The following PUM3 variants were observed in gnomAD, a reference collection of about 807,000 sequenced individuals.
PUM3 encodes the protein pumilio homolog 3.
A neutral mutation model predicts 84.0 loss-of-function variants in PUM3; 91 were observed. That is an observed-to-expected ratio of 1.08 (90% confidence interval 0.91 to 1.29). PUM3 has a LOEUF of 1.29. PUM3 is among the 50% of genes most tolerant of loss of function. PUM3 has a pLI of 0.00. For synonymous variants in PUM3, 321 were observed against 266.7 expected (o/e 1.20, Z -1.98); for missense variants, 1,067 against 767.5 (o/e 1.39, Z -4.61).
intron 16 of PUM3, among the ~76,000 whole-genome samples, chr9:2,808,474 G>A (rs1308392627): frequency 2.6e-5 from 4 of 152,174 alleles, no homozygotes; most frequent in Admixed American, 6.5e-5. Context: ...TCCCAAGGTC[G>A]TGGTATTATC....
chr9:2,805,284 C>T (rs1263336851), intron 17 of PUM3, among the ~76,000 whole-genome samples: 4 of 152,134 alleles, frequency 2.6e-5, no homozygotes, highest in Non-Finnish European at 5.9e-5. Context: ...TGCCCGAGTA[C>T]TCTATCAGAA....
chr9:2,835,175 G>C (rs1052769758), intron 3 of PUM3, among the ~76,000 whole-genome samples: 3 of 152,216 alleles, frequency 2.0e-5, no homozygotes, highest in African/African-American at 4.8e-5. Context: ...CACTTTGGAA[G>C]GCTGAAGAAG....
At chr9:2,823,394 A>G (rs1815718208) in intron 12 of PUM3, among the ~76,000 whole-genome samples, 1 of 152,110 alleles carries the variant, frequency 6.6e-6, no homozygotes, top group Admixed American at 6.5e-5. Context: ...ACTACTATCA[A>G]GTTTCTGAAG....
intron 4 of PUM3, among the ~76,000 whole-genome samples, chr9:2,833,783 GA>G (rs1484171876): frequency 6.6e-6 from 1 of 152,166 alleles, no homozygotes; most frequent in Non-Finnish European, 1.5e-5. Context: ...AATCTCTCAG[GA>G]AGAATGTCAA....
At position 2,811,545 on chromosome 9, in the gene PUM3, T is replaced by C; in HGVS notation, c.1451A>G (p.Glu484Gly). ...GCTTAACAAAGCTGGAGAAATGGAT[T>C]CTAGGAGCTCCCGTCTGCGGACCTC... ...DTEVRRRELL[E>G]SISPALLSYL... Residue 484 changes from glutamate to glycine, a missense_variant, in exon 15 of 18, where the codon GAA becomes GGA. Coordinates refer to ENST00000397885, the MANE Select transcript of PUM3 (RefSeq NM_014878.5). 1.9e-6 allele frequency: 3 copies of C among 1,614,132 alleles called. No individual in the cohort carries two copies. Among genetic ancestry groups the C allele is most frequent in the Non-Finnish European group, 2.5e-6 (3 of 1,180,008 alleles).
At chr9:2,827,530 T>G (rs1475977820) in intron 9 of PUM3, among the ~76,000 whole-genome samples, 2 of 152,208 alleles carry the variant, frequency 1.3e-5, no homozygotes, top group Non-Finnish European at 2.9e-5. Flanking sequence ...TTATTTCTGT[T>G]AACACCCTTC....
intron 13 of PUM3, among the ~76,000 whole-genome samples, chr9:2,815,543 G>A (rs1213151103): frequency 2.0e-5 from 3 of 152,164 alleles, no homozygotes; most frequent in Non-Finnish European, 4.4e-5. Flanking sequence ...TAAACTCTTT[G>A]CATATTAATT....
chr9:2,827,818 T>A (rs965893372), intron 9 of PUM3, among the ~76,000 whole-genome samples: 2 of 152,216 alleles, frequency 1.3e-5, no homozygotes, highest in African/African-American at 4.8e-5. Context: ...AAAATTCCTA[T>A]GAAGTCTGTA....
chr9:2,843,682 C>G (rs1411581293), intron 1 of PUM3, among the ~76,000 whole-genome samples: 5 of 150,948 alleles, frequency 3.3e-5, no homozygotes, highest in Admixed American at 6.6e-5. Context: ...GGGTTCACGC[C>G]ATTCTCCTGC....
At position 2,810,379 on chromosome 9, in the gene PUM3, T is replaced by C. The variant is rs369722648; in HGVS notation, c.1688A>G (p.Glu563Gly). ...ATTTTCTTTCATCTTTTTATCTTGC[T>C]CTATTAACCACTTCAGAACTAGATG... ...AGHLVLKWLI[E>G]QDKKMKENGR... Residue 563 changes from glutamate (E) to glycine (G), a missense_variant, in exon 16 of 18, where the codon GAG (glutamate) becomes GGG (glycine). Glu to Gly is a moderately conservative substitution (Grantham distance 98). Coordinates refer to ENST00000397885, the MANE Select transcript of PUM3 (RefSeq NM_014878.5). 4 of 1,612,426 alleles carry C rather than the reference T, an allele frequency of 2.5e-6. No homozygotes were observed. Among genetic ancestry groups the C allele is most frequent in the Non-Finnish European group, 3.4e-6 (4 of 1,178,796 alleles).
At chr9:2,812,184 G>A (rs1821388062) in intron 14 of PUM3, 36 bp downstream of exon 14, 1 of 1,587,166 alleles carries the variant, frequency 6.3e-7, no homozygotes, top group African/African-American at 1.3e-5. Context: ...CATTAACAGA[G>A]GAATAAAGAA....
At chr9:2,842,873 G>A (rs761384235) in intron 1 of PUM3, among the ~76,000 whole-genome samples, 28 of 151,810 alleles carry the variant, frequency 1.8e-4, no homozygotes, top group African/African-American at 6.1e-4. Context: ...CTGCCCTATC[G>A]TCCTCCATCT....
At chr9:2,840,203 T>C (rs964344581) in intron 1 of PUM3, among the ~76,000 whole-genome samples, 1 of 152,218 alleles carries the variant, frequency 6.6e-6, no homozygotes, top group African/African-American at 2.4e-5. Context: ...TTAACCGTGT[T>C]CACTTGGTCA....
In PUM3 at chr9:2,810,424, A is replaced by C; in HGVS notation, c.1643T>G (p.Ile548Ser). The change falls in exon 16 of 18, where the codon ATT (isoleucine) becomes AGT (serine). Residue 548 changes from isoleucine (I) to serine (S), a missense_variant. Physicochemically the swap from Ile to Ser is moderately radical, Grantham distance 142. Coordinates refer to ENST00000397885, the MANE Select transcript of PUM3 (RefSeq NM_014878.5). ...TAGATGTCCTGCAGGATGTTCTGCA[A>C]TGTGAAGCTATGAAGGGTCAAGAAC... is the stretch of plus-strand genomic sequence containing the variant. ...HPGGKDGELH[I>S]AEHPAGHLVL... is the part of the protein sequence containing the mutation. The C allele has an allele frequency of 6.2e-7, 1 of 1,605,704 alleles. No individual in the cohort carries two copies. The highest frequency in any genetic ancestry group is 8.5e-7 in the Non-Finnish European group (1 of 1,175,342).
chr9:2,833,589 G>T (rs996209842), intron 4 of PUM3, among the ~76,000 whole-genome samples, 157 bp from the exon 5 acceptor site: 2 of 152,064 alleles, frequency 1.3e-5, no homozygotes, highest in Non-Finnish European at 2.9e-5. Flanking sequence ...TTCCAGAGCA[G>T]CCAGACAAAA....
intron 9 of PUM3, 139 bp downstream of exon 9, chr9:2,828,536 C>A: frequency 1.7e-6 from 1 of 580,502 alleles, no homozygotes. Flanking sequence ...TGGTTTCAAA[C>A]CAACACTTTT....
intron 3 of PUM3, 45 bp from the exon 4 acceptor site, chr9:2,834,211 G>T: frequency 6.5e-7 from 1 of 1,537,820 alleles, no homozygotes; most frequent in Non-Finnish European, 8.9e-7. Flanking sequence ...AACATTCTAA[G>T]TGTCATACAC....
chr9:2,831,134 G>A, intron 6 of PUM3, 106 bp from the exon 7 acceptor site: 1 of 983,394 alleles, frequency 1.0e-6, no homozygotes, highest in Non-Finnish European at 1.6e-6. Flanking sequence ...AACAAAAAAG[G>A]ATCTGGAGAA....
intron 1 of PUM3, among the ~76,000 whole-genome samples, chr9:2,839,448 A>T (rs889323300): frequency 6.6e-6 from 1 of 152,244 alleles, no homozygotes; most frequent in South Asian, 2.1e-4. Context: ...TTTGGGAAAC[A>T]GTAAGTTAAA....
Sources: allele counts gnomAD v4.1 joint callset (sites outside exome capture counted in the v4.1 genomes callset), GRCh38; gene constraint gnomAD v4.1.1; transcripts MANE v1.5; gene names NCBI Gene and HGNC (gene_info 2026-07-23, HGNC 2026-07-21).